SORCS1: variants seen among roughly 807,000 people sequenced by gnomAD.
SORCS1 encodes the protein sortilin related VPS10 domain containing receptor 1, also known as VPS10 domain-containing receptor SorCS1.
SORCS1 carries 60 observed loss-of-function variants against 146.1 expected under a neutral mutation model. The ratio of observed to expected loss-of-function variants is 0.41; its 90% CI spans 0.33 to 0.51. The LOEUF (loss-of-function observed/expected upper bound fraction) is 0.51. SORCS1 is among the 20% of genes least tolerant of loss of function. SORCS1 has a pLI of 0.21. For synonymous variants in SORCS1, 637 were observed against 584.0 expected (o/e 1.09, Z -1.31); for missense variants, 1,352 against 1,487.6 (o/e 0.91, Z 1.50).
At chr10:106,896,892 T>G (rs982304786) in intron 2 of SORCS1, among the ~76,000 whole-genome samples, 6 of 146,632 alleles carry the variant, frequency 4.1e-5, no homozygotes, top group African/African-American at 1.0e-4. Context: ...AAATACTGTT[T>G]TTTTTTTTTT....
At chr10:106,763,115 G>A (rs1353919105) in intron 4 of SORCS1, among the ~76,000 whole-genome samples, 3 of 152,038 alleles carry the variant, frequency 2.0e-5, no homozygotes, top group Non-Finnish European at 4.4e-5. Flanking sequence ...AAAAATTAAT[G>A]CAAATGTAAA....
At chr10:106,659,532 T>C (rs574936877) in intron 17 of SORCS1, among the ~76,000 whole-genome samples, 5 of 152,308 alleles carry the variant, frequency 3.3e-5, no homozygotes, top group East Asian at 1.9e-4. Context: ...AATTCTAATA[T>C]TGAATCCTTT....
In SORCS1 at chr10:106,677,379, A is replaced by G. The variant is rs1422844121; in HGVS notation, c.1766T>C (p.Leu589Ser). ...RQIFEEEHSV[L>S]YLDQGGVLVA... ...CAGGACTCCACCTTGATCCAGGTAC[A>G]AAACACTGTGCTCTTCTTCAAAGAT... Residue 589 changes from leucine (L) to serine (S), a missense_variant, in exon 13 of 26, where the codon TTG becomes TCG. Around this residue, in one of 3 missense-constraint regions of SORCS1, gnomAD observed 648 missense variants for 793.8 expected, o/e 0.82. Transcript: ENST00000263054. 1 of 1,614,000 alleles carries G rather than the reference A, an allele frequency of 6.2e-7. No individual in the cohort carries two copies. Among genetic ancestry groups the G allele is most frequent in the Non-Finnish European group, 8.5e-7 (1 of 1,179,884 alleles).
chr10:107,140,800 T>C (rs1025163738), intron 1 of SORCS1, among the ~76,000 whole-genome samples: 3 of 152,214 alleles, frequency 2.0e-5, no homozygotes, highest in African/African-American at 4.8e-5. Context: ...ACATGCATGA[T>C]CTCTTGTAAT....
intron 2 of SORCS1, among the ~76,000 whole-genome samples, chr10:106,908,733 T>C (rs1952018305): frequency 6.6e-6 from 1 of 152,186 alleles, no homozygotes; most frequent in African/African-American, 2.4e-5. Flanking sequence ...ACGGCGCTCT[T>C]TGAGGCAATG....
chr10:106,589,482 A>C (rs932394110), intron 24 of SORCS1, among the ~76,000 whole-genome samples: 2 of 152,186 alleles, frequency 1.3e-5, no homozygotes, highest in African/African-American at 4.8e-5. Flanking sequence ...ATCGGCAATT[A>C]AGGCTTTAAC....
At chr10:106,951,266 C>T (rs1008836407) in intron 2 of SORCS1, among the ~76,000 whole-genome samples, 1 of 152,124 alleles carries the variant, frequency 6.6e-6, no homozygotes, top group Non-Finnish European at 1.5e-5. Context: ...AATCCCAGCA[C>T]TTTGGGAGGC....
Position 106,598,226 on chromosome 10 carries a change from C to A in SORCS1, c.3166-776G>T, listed in dbSNP as rs760581553. ...TTCTGAAAAGTTACGGGGATAACAA[C>A]ACTCCTATTATATTATTATTATTAT... On this transcript the variant is annotated intron_variant, in intron 23 of 25. Coordinates refer to ENST00000263054, the MANE Select transcript of SORCS1 (RefSeq NM_052918.5). Among the ~76,000 whole-genome samples, 3 of 142,268 alleles carry A rather than the reference C, an allele frequency of 2.1e-5. No homozygotes were observed. The Admixed American group carries it at 2.1e-4, about 10-fold the overall frequency. 93.3% of individuals were successfully genotyped at this position (142,268 alleles called of 152,430 possible). A position where few individuals can be genotyped will look rare whatever the true frequency, so the allele number is the denominator to read the frequency against.
chr10:106,912,053 C>G (rs1309201471), intron 2 of SORCS1, among the ~76,000 whole-genome samples: 1 of 148,874 alleles, frequency 6.7e-6, no homozygotes, highest in Non-Finnish European at 1.5e-5. Context: ...GTGGAGCTTA[C>G]AGTGAGCTGA....
intron 2 of SORCS1, among the ~76,000 whole-genome samples, chr10:106,911,572 G>A (rs1254940044): frequency 1.3e-5 from 2 of 152,112 alleles, no homozygotes; most frequent in South Asian, 2.1e-4. Context: ...CCCCACAGGC[G>A]ATGTCACTGA....
intron 5 of SORCS1, among the ~76,000 whole-genome samples, chr10:106,749,790 G>A (rs1858013717): frequency 6.6e-6 from 1 of 152,086 alleles, no homozygotes; most frequent in South Asian, 2.1e-4. Context: ...CATCACATAT[G>A]TAACCAACCT....
chr10:106,780,045 A>T (rs373321686), intron 3 of SORCS1, among the ~76,000 whole-genome samples: 1 of 152,350 alleles, frequency 6.6e-6, no homozygotes, highest in African/African-American at 2.4e-5. Context: ...CAGTAATAAA[A>T]TATAAATAAG....
Position 106,629,405 on chromosome 10 carries a change from C to G in SORCS1, c.2476-17G>C, listed in dbSNP as rs147410317. 1.7e-5 allele frequency: 28 copies of G among 1,612,420 alleles called. No individual in the cohort carries two copies. The highest frequency in any genetic ancestry group is 2.3e-5 in the Non-Finnish European group (27 of 1,178,924). On this transcript the variant is annotated splice_polypyrimidine_tract_variant and intron_variant, in intron 18 of 25. Transcript: ENST00000263054. ...AACATCACCCTGAAAAACAACCCAA[C>G]ATCAGAGGAAATGAGTTAGTATTCG...
intron 1 of SORCS1, among the ~76,000 whole-genome samples, chr10:107,050,343 A>C (rs1959988411): frequency 6.6e-6 from 1 of 152,172 alleles, no homozygotes; most frequent in African/African-American, 2.4e-5. Context: ...TGAGAAATGA[A>C]TCAATCAAAG....
At chr10:106,814,646 C>G (rs822005) in intron 3 of SORCS1, among the ~76,000 whole-genome samples, 2 of 152,032 alleles carry the variant, frequency 1.3e-5, no homozygotes, top group African/African-American at 2.4e-5. Context: ...CGGGCGCAGT[C>G]GCTCACACCT....
At chr10:106,583,416 C>A (rs1845037545) in intron 24 of SORCS1, among the ~76,000 whole-genome samples, 1 of 152,134 alleles carries the variant, frequency 6.6e-6, no homozygotes, top group Non-Finnish European at 1.5e-5. Flanking sequence ...CTCATTTGAC[C>A]ACAGACCCTT....
At chr10:106,997,278 C>T (rs75468080) in intron 1 of SORCS1, among the ~76,000 whole-genome samples, 2,348 of 152,282 alleles carry the variant, frequency 0.015, 66 homozygotes, top group African/African-American at 0.054. Flanking sequence ...CTGAGCCACA[C>T]TCTGTGTGCC....
At chr10:106,707,052 G>A (rs1854583235) in intron 7 of SORCS1, among the ~76,000 whole-genome samples, 1 of 152,060 alleles carries the variant, frequency 6.6e-6, no homozygotes, top group Non-Finnish European at 1.5e-5. Context: ...CACATCTCTG[G>A]GCACTGAATT....
At chr10:106,648,197 A>G (rs1294046515) in intron 18 of SORCS1, among the ~76,000 whole-genome samples, 1 of 140,520 alleles carries the variant, frequency 7.1e-6, no homozygotes, top group African/African-American at 2.8e-5. Flanking sequence ...CAACTGTATT[A>G]TATTCTTTTT....
Sources: allele counts gnomAD v4.1 joint callset (sites outside exome capture counted in the v4.1 genomes callset), GRCh38; gene constraint gnomAD v4.1.1; regional missense constraint gnomAD v4.1.1; transcripts MANE v1.5; gene names NCBI Gene and HGNC (gene_info 2026-07-23, HGNC 2026-07-21).